C12orf42: variants seen among roughly 807,000 people sequenced by gnomAD.
C12orf42 encodes chromosome 12 open reading frame 42, also known as uncharacterized protein C12orf42.
A neutral mutation model predicts 21.6 loss-of-function variants in C12orf42; 25 were observed. The observed-to-expected ratio is 1.16, with a 90% CI of 0.84 to 1.62. The LOEUF is 1.62. Among genes scored for constraint, C12orf42 ranks in the 40% most tolerant of loss-of-function variants. C12orf42 has a pLI of 0.00. For synonymous variants in C12orf42, 174 were observed against 175.0 expected, an observed-to-expected ratio of 0.99 and a Z score of 0.05; for missense variants, 483 against 459.3, an observed-to-expected ratio of 1.05 and a Z score of -0.47.
chr12:103,264,195 C>CTT (rs2035050028), downstream of C12orf42, among the ~76,000 whole-genome samples: 1 of 152,098 alleles, frequency 6.6e-6, no homozygotes, highest in African/African-American at 2.4e-5. Context: ...TACTCCTCCA[C>CTT]TTAGGAGGAT....
chr12:103,211,189 G>A, the C12orf42 span, among the ~76,000 whole-genome samples: 81,160 of 151,914 alleles, frequency 0.53, 21,882 homozygotes, highest in East Asian at 0.67. Context: ...AAGGTATACA[G>A]AAAGCTTTTT....
chr12:103,235,176 C>T (rs2033430600), downstream of C12orf42, among the ~76,000 whole-genome samples: 2 of 152,074 alleles, frequency 1.3e-5, no homozygotes, highest in African/African-American at 4.8e-5. Flanking sequence ...TTTCAAGACC[C>T]AGATGTTCCA....
chr12:103,340,409 G>A (rs533647047), intron 4 of C12orf42, among the ~76,000 whole-genome samples: 7 of 152,336 alleles, frequency 4.6e-5, no homozygotes, highest in East Asian at 1.9e-4. Context: ...GCTCAAAAGC[G>A]TCTTGCCTCA....
chr12:103,318,919 T>C (rs577970296), intron 4 of C12orf42, among the ~76,000 whole-genome samples: 58 of 152,362 alleles, frequency 3.8e-4, no homozygotes, highest in South Asian at 1.9e-3. Flanking sequence ...AATTAAGTAC[T>C]TGAATGATTC....
the C12orf42 span, among the ~76,000 whole-genome samples, chr12:103,112,946 T>C: frequency 1.3e-5 from 2 of 152,354 alleles, no homozygotes; most frequent in Middle Eastern, 3.4e-3. Flanking sequence ...CATGTAATCT[T>C]GTTCATTAAG....
chr12:103,416,736 A>C (rs1403525350), intron 2 of C12orf42, among the ~76,000 whole-genome samples: 1 of 152,088 alleles, frequency 6.6e-6, no homozygotes, highest in South Asian at 2.1e-4. Flanking sequence ...CCTGTTCCAT[A>C]CTTTACATAA....
At chr12:103,059,678 A>G in the C12orf42 span, among the ~76,000 whole-genome samples, 1 of 152,216 alleles carries the variant, frequency 6.6e-6, no homozygotes, top group Non-Finnish European at 1.5e-5. Flanking sequence ...CAACATATGC[A>G]AATCAATAAA....
intron 4 of C12orf42, among the ~76,000 whole-genome samples, chr12:103,296,862 A>C (rs1593318577): frequency 6.6e-6 from 1 of 152,248 alleles, no homozygotes; most frequent in East Asian, 1.9e-4. Flanking sequence ...TTTTTAGTTT[A>C]ATTAGATCCC....
the C12orf42 span, among the ~76,000 whole-genome samples, chr12:103,534,204 C>T: frequency 4.2e-4 from 64 of 152,158 alleles, no homozygotes; most frequent in Non-Finnish European, 5.7e-4. Flanking sequence ...TTTTCATACA[C>T]GAAAAATATC....
chr12:103,234,887 G>A (rs1387397695), downstream of C12orf42, among the ~76,000 whole-genome samples: 1 of 151,828 alleles, frequency 6.6e-6, no homozygotes, highest in Non-Finnish European at 1.5e-5. Context: ...TTCTCCTACT[G>A]GATTACTGAA....
At chr12:103,309,177 G>A (rs2038691671) in intron 4 of C12orf42, among the ~76,000 whole-genome samples, 1 of 152,138 alleles carries the variant, frequency 6.6e-6, no homozygotes, top group Non-Finnish European at 1.5e-5. Context: ...TGTTGTCCCA[G>A]AGTACAGTTG....
intron 4 of C12orf42, among the ~76,000 whole-genome samples, chr12:103,294,421 G>GAAAGAAAGAAAGAAA (rs1272644380): frequency 8.4e-5 from 6 of 71,840 alleles, no homozygotes; most frequent in African/African-American, 3.8e-4. Flanking sequence ...AAGAGAGAAA[G>GAAAGAAAGAAAGAAA]GAGAGAGAGA....
At chr12:103,286,382 G>C (rs2036462673) in intron 4 of C12orf42, among the ~76,000 whole-genome samples, 1 of 151,580 alleles carries the variant, frequency 6.6e-6, no homozygotes, top group Non-Finnish European at 1.5e-5. Flanking sequence ...GTTAGAAATA[G>C]ATGCCCATGT....
At chr12:103,353,451 T>C (rs572641642) in intron 4 of C12orf42, among the ~76,000 whole-genome samples, 1 of 152,238 alleles carries the variant, frequency 6.6e-6, no homozygotes, top group South Asian at 2.1e-4. Context: ...ATTAGGAAAC[T>C]GCTGCATTCA....
intron 3 of C12orf42, among the ~76,000 whole-genome samples, chr12:103,375,194 T>C (rs2045593392): frequency 6.6e-6 from 1 of 152,116 alleles, no homozygotes; most frequent in African/African-American, 2.4e-5. Context: ...ATAGGAAATG[T>C]CAGGAGAAAC....
the C12orf42 span, among the ~76,000 whole-genome samples, chr12:103,162,403 C>T: frequency 6.6e-6 from 1 of 152,142 alleles, no homozygotes; most frequent in African/African-American, 2.4e-5. Context: ...GCCCACTTTG[C>T]AAGGTTGGCT....
chr12:103,240,056 G>GAATT (rs2033659230), intron 10 of C12orf42, among the ~76,000 whole-genome samples: 3 of 152,292 alleles, frequency 2.0e-5, no homozygotes, highest in African/African-American at 7.2e-5. Context: ...TTCATATTCA[G>GAATT]AATTATTAAC....
At chr12:103,402,167 A>G (rs916554848) in intron 2 of C12orf42, among the ~76,000 whole-genome samples, 1 of 152,140 alleles carries the variant, frequency 6.6e-6, no homozygotes, top group Non-Finnish European at 1.5e-5. Flanking sequence ...ACTTATTTGG[A>G]GTTGCTTGGC....
Position 103,256,105 on chromosome 12 carries a change from TATATATAC to T in C12orf42, c.*1366+7213_*1366+7220del, listed in dbSNP as rs1392437345. ...AAAAAAATATATATATATATATATA[TATATATAC>T]ACACACACACACACACACACACACA... is the stretch of plus-strand genomic sequence containing the variant. On this transcript the variant is annotated intron_variant and NMD_transcript_variant, in intron 10 of 10. Coordinates refer to the C12orf42 transcript ENST00000547347. Among the ~76,000 whole-genome samples the T allele has an allele frequency of 4.3e-3, 164 of 37,830 alleles. 1 individual carries two copies. Among genetic ancestry groups the T allele is most frequent in the Non-Finnish European group, 6.6e-3 (129 of 19,480 alleles). The allele number at this position is 37,830 out of a possible 152,430, so 24.8% of individuals were successfully genotyped here.
Sources: allele counts gnomAD v4.1 joint callset (sites outside exome capture counted in the v4.1 genomes callset), GRCh38; gene constraint gnomAD v4.1.1; transcripts MANE v1.5; gene names NCBI Gene and HGNC (gene_info 2026-07-23, HGNC 2026-07-21).